CDK5RAP2: variants seen among roughly 807,000 people sequenced by gnomAD.
CDK5RAP2 encodes CDK5 regulatory subunit associated protein 2, also known as CDK5 regulatory subunit-associated protein 2.
A neutral mutation model predicts 232.9 loss-of-function variants in CDK5RAP2; 147 were observed. That is an observed-to-expected ratio of 0.63 (90% CI 0.55 to 0.72). The LOEUF (loss-of-function observed/expected upper bound fraction) is 0.72. Among genes scored for constraint, CDK5RAP2 ranks in the 30% least tolerant of loss-of-function variants. The pLI is 0.00. For synonymous variants in CDK5RAP2, 833 were observed against 833.7 expected, an observed-to-expected ratio of 1.00 and a Z score of 0.01; for missense variants, 2,195 against 2,231.5, an observed-to-expected ratio of 0.98 and a Z score of 0.33.
intron 14 of CDK5RAP2, 130 bp from the exon 15 acceptor site, chr9:120,477,580 G>T: frequency 1.3e-6 from 1 of 752,302 alleles, no homozygotes; most frequent in South Asian, 1.4e-5. Context: ...CCTGTGCCTG[G>T]CTCTGGCTCA....
At chr9:120,554,275 AAAT>A (rs2042146016) in intron 3 of CDK5RAP2, among the ~76,000 whole-genome samples, 2 of 152,282 alleles carry the variant, frequency 1.3e-5, no homozygotes, top group South Asian at 4.1e-4. Flanking sequence ...AAATAAATTT[AAAT>A]AATAGATAAA....
At chr9:120,515,051 C>CGA (rs2040267923) in intron 12 of CDK5RAP2, among the ~76,000 whole-genome samples, 1 of 151,504 alleles carries the variant, frequency 6.6e-6, no homozygotes, top group African/African-American at 2.4e-5. Context: ...TATATATTAT[C>CGA]GAGAGAGACA....
At chr9:120,564,461 G>A (rs2042573622) in intron 3 of CDK5RAP2, among the ~76,000 whole-genome samples, 1 of 142,676 alleles carries the variant, frequency 7.0e-6, no homozygotes, top group Non-Finnish European at 1.5e-5. Flanking sequence ...CTCCACTCCA[G>A]CCTGGGCAAC....
chr9:120,433,654 C>T (rs189795738), intron 25 of CDK5RAP2, among the ~76,000 whole-genome samples: 12 of 152,334 alleles, frequency 7.9e-5, no homozygotes, highest in African/African-American at 1.2e-4. Flanking sequence ...ATCTATAAAA[C>T]TGAACTAATA....
At chr9:120,470,863 T>C (rs1369275466) in intron 16 of CDK5RAP2, among the ~76,000 whole-genome samples, 1 of 152,124 alleles carries the variant, frequency 6.6e-6, no homozygotes, top group Non-Finnish European at 1.5e-5. Flanking sequence ...CCACAAACAG[T>C]ATCTCATTTA....
At position 120,453,529 on chromosome 9, in the gene CDK5RAP2, T is replaced by A. The variant is rs766506183; in HGVS notation, c.2720A>T (p.His907Leu). The change falls in exon 21 of 38, where the codon CAT becomes CTT. Residue 907 changes from histidine to leucine, a missense_variant. Physicochemically the swap from His to Leu is moderately conservative, Grantham distance 99. Transcript: ENST00000349780. ...CACCCCGTGCAGGTTCTCTGGCCGA[T>A]GCTCTGCGCTGAGTGCAGTGTTGAT... ...KPINTALSAE[H>L]RPENLHGVPG... The A allele has an allele frequency of 1.9e-5, 31 of 1,614,052 alleles. No individual in the cohort carries two copies. The highest frequency in any genetic ancestry group is 3.3e-5 in the South Asian group (3 of 91,094).
chr9:120,454,790 G>A (rs935102254), intron 20 of CDK5RAP2, among the ~76,000 whole-genome samples: 1 of 152,194 alleles, frequency 6.6e-6, no homozygotes, highest in African/African-American at 2.4e-5. Flanking sequence ...CCATCCTTCA[G>A]ACGGACCACA....
intron 9 of CDK5RAP2, among the ~76,000 whole-genome samples, 171 bp downstream of exon 9, chr9:120,528,573 T>C (rs2041007720): frequency 2.0e-5 from 3 of 152,176 alleles, no homozygotes; most frequent in South Asian, 2.1e-4. Flanking sequence ...CACAGAGTTA[T>C]TGCAAAGATT....
At position 120,477,409 on chromosome 9, in the gene CDK5RAP2, G is replaced by C. The variant is rs747227873; in HGVS notation, c.1668C>G (p.Val556=). The change falls in exon 15 of 38, where the codon GTC becomes GTG. Residue 556 remains valine, a synonymous_variant. Coordinates refer to ENST00000349780, the MANE Select transcript of CDK5RAP2 (RefSeq NM_018249.6). Reference sequence around the variant, plus strand: ...TATAGATGTCCTGCTCTTTCTTTAAGACCTGAATCAGCTCTTCATAGTCTG... The same window carrying C: ...TATAGATGTCCTGCTCTTTCTTTAACACCTGAATCAGCTCTTCATAGTCTG... ...QSSDYEELIQ[V]LKKEQDIYTH... 1.2e-6 allele frequency: 2 copies of C among 1,613,898 alleles called. No individual in the cohort carries two copies. The highest frequency in any genetic ancestry group is 1.7e-5 in the Admixed American group (1 of 60,032).
chr9:120,431,459 T>C (rs1159152735), intron 25 of CDK5RAP2, among the ~76,000 whole-genome samples: 2 of 152,144 alleles, frequency 1.3e-5, no homozygotes, highest in Non-Finnish European at 2.9e-5. Context: ...ATGAGGATAA[T>C]AAATAATACT....
intron 3 of CDK5RAP2, among the ~76,000 whole-genome samples, chr9:120,554,026 T>C (rs1011727575): frequency 6.6e-6 from 1 of 152,228 alleles, no homozygotes; most frequent in Non-Finnish European, 1.5e-5. Flanking sequence ...TTATAGTATG[T>C]TAACTCAATA....
intron 22 of CDK5RAP2, among the ~76,000 whole-genome samples, chr9:120,447,497 AT>A (rs2036256463): frequency 6.6e-6 from 1 of 152,202 alleles, no homozygotes. Context: ...AAGGTTTGGA[AT>A]TAGCCCCAAG....
Position 120,389,026 on chromosome 9 carries a change from A to T in CDK5RAP2, c.*210T>A. The T allele has an allele frequency of 1.7e-6, 1 of 602,908 alleles. No individual in the cohort carries two copies. Among genetic ancestry groups the T allele is most frequent in the Non-Finnish European group, 2.9e-6 (1 of 339,928 alleles). The allele number at this position is 602,908 out of a possible 1,614,324, so 37.3% of individuals were successfully genotyped here. On this transcript the variant is annotated 3_prime_UTR_variant, in exon 38 of 38. Transcript: ENST00000349780. ...CTGAAATACAACATCCAAGAGCTCG[A>T]GGCCTTTTTACCACCCGTTTGTGGA...
At chr9:120,566,524 G>GA (rs1348688349) in intron 3 of CDK5RAP2, among the ~76,000 whole-genome samples, 5 of 152,020 alleles carry the variant, frequency 3.3e-5, no homozygotes, top group Non-Finnish European at 5.9e-5. Flanking sequence ...TGGCAGAGTG[G>GA]AAAAAAATAA....
At chr9:120,452,385 C>T (rs76168081) in intron 21 of CDK5RAP2, among the ~76,000 whole-genome samples, 3,775 of 152,034 alleles carry the variant, frequency 0.025, 157 homozygotes, top group African/African-American at 0.085. Context: ...CTTTTGTATG[C>T]GCAAAAGCAG....
chr9:120,441,162 C>T (rs567487779), intron 23 of CDK5RAP2, among the ~76,000 whole-genome samples: 1 of 152,336 alleles, frequency 6.6e-6, no homozygotes, highest in African/African-American at 2.4e-5. Flanking sequence ...TTCTTAACCA[C>T]TGTGCCACAC....
chr9:120,568,306 G>T lies in CDK5RAP2; in HGVS notation c.195+15C>A. 2 of 1,592,876 alleles carry T rather than the reference G, an allele frequency of 1.3e-6. No individual in the cohort carries two copies. The highest frequency in any genetic ancestry group is 1.1e-5 in the South Asian group (1 of 90,646). ...CACAATTTGTTGGGGGCAGTAATTT[G>T]GTATTTCCACTTACATTTTCAAAGT... On this transcript the variant is annotated intron_variant, in intron 3 of 37. Coordinates refer to ENST00000349780, the MANE Select transcript of CDK5RAP2 (RefSeq NM_018249.6).
chr9:120,537,021 A>C (rs1341271016), intron 6 of CDK5RAP2, among the ~76,000 whole-genome samples: 1 of 151,904 alleles, frequency 6.6e-6, no homozygotes, highest in East Asian at 1.9e-4. Context: ...CCAAGAGGTC[A>C]GAGAAGCCAA....
At chr9:120,473,954 C>T (rs2037861892) in intron 15 of CDK5RAP2, among the ~76,000 whole-genome samples, 1 of 152,132 alleles carries the variant, frequency 6.6e-6, no homozygotes, top group Admixed American at 6.5e-5. Context: ...ACAAAAGGTG[C>T]TTCACTCAGA....
Sources: gnomAD v4.1 joint callset for allele counts (sites outside exome capture counted in the v4.1 genomes callset) on GRCh38, gnomAD v4.1.1 for gene constraint, MANE v1.5 for transcripts, NCBI Gene and HGNC (gene_info 2026-07-23, HGNC 2026-07-21) for gene names.